The following TAFA2 variants were observed in gnomAD, a reference collection of about 807,000 sequenced individuals.
The protein encoded by TAFA2 is TAFA chemokine like family member 2.
Under a neutral mutation model 18.8 loss-of-function variants are expected in TAFA2, and 7 were observed. That is an observed-to-expected ratio of 0.37 (90% CI 0.21 to 0.70). The LOEUF (loss-of-function observed/expected upper bound fraction) is 0.70, where lower values mean the gene tolerates loss of function less well. Ranked by LOEUF, TAFA2 falls within the 30% of genes least tolerant of loss-of-function variation. The probability of loss-of-function intolerance (pLI) is 0.53; values close to 1 mark genes in which losing one functional copy is unlikely to be tolerated. For missense variants in TAFA2, 122 were observed against 158.1 expected (o/e 0.77, Z 1.23); for synonymous variants, 60 against 54.2 (o/e 1.11, Z -0.47).
chr12:61,903,748 A>T (rs1876217280), intron 1 of TAFA2, among the ~76,000 whole-genome samples: 1 of 152,154 alleles, frequency 6.6e-6, no homozygotes, highest in Admixed American at 6.6e-5. Context: ...AAAATTCTAC[A>T]GTTTTTTTGT....
intron 1 of TAFA2, among the ~76,000 whole-genome samples, chr12:61,940,556 G>A (rs907276901): frequency 6.6e-6 from 1 of 152,204 alleles, no homozygotes; most frequent in Admixed American, 6.5e-5. Flanking sequence ...TGGCTTTAGA[G>A]GTAACAATCA....
At chr12:61,857,472 T>G (rs949280681) in intron 2 of TAFA2, among the ~76,000 whole-genome samples, 2 of 152,210 alleles carry the variant, frequency 1.3e-5, no homozygotes, top group East Asian at 3.9e-4. Context: ...TTAGACAATA[T>G]GTAGAAATAT....
intron 1 of TAFA2, among the ~76,000 whole-genome samples, chr12:62,153,161 TG>T (rs1324881583): frequency 1.3e-5 from 2 of 152,154 alleles, no homozygotes; most frequent in African/African-American, 2.4e-5. Context: ...GTGGTGGCTG[TG>T]GAAAGTAAGG....
At position 62,175,971 on chromosome 12, in the gene TAFA2, A is replaced by G. The variant is rs546623157; in HGVS notation, c.-2+15288T>C. Among the ~76,000 whole-genome samples, 12 of 152,150 alleles carry G rather than the reference A, an allele frequency of 7.9e-5. No individual in the cohort carries two copies. The South Asian group carries it at 2.1e-3, about 26-fold the overall frequency. ...CCCACCTTTTTCAGCAATATTTCTAAGACATTCAAAAGAAAATACAACATA... is the reference window on the plus strand; with the variant it reads ...CCCACCTTTTTCAGCAATATTTCTAGGACATTCAAAAGAAAATACAACATA... On this transcript the variant is annotated intron_variant, in intron 1 of 4. Transcript: ENST00000416284.
chr12:61,955,662 TATATATA>T (rs1878668957), intron 1 of TAFA2, among the ~76,000 whole-genome samples: 1 of 107,278 alleles, frequency 9.3e-6, no homozygotes. Flanking sequence ...TATATATATA[TATATATA>T]TTTAATTTTA....
chr12:61,991,585 T>C (rs1285316730), intron 1 of TAFA2, among the ~76,000 whole-genome samples: 2 of 152,232 alleles, frequency 1.3e-5, no homozygotes, highest in African/African-American at 4.8e-5. Context: ...AGTCAATTTA[T>C]CCCTCTGTTG....
chr12:61,759,632 A>T (rs1228346294), intron 2 of TAFA2, among the ~76,000 whole-genome samples: 1 of 152,034 alleles, frequency 6.6e-6, no homozygotes, highest in East Asian at 1.9e-4. Flanking sequence ...GCCTACTATA[A>T]CTACAAGGTA....
chr12:61,887,763 C>CTCA (rs1293392969), intron 1 of TAFA2, among the ~76,000 whole-genome samples: 1 of 150,636 alleles, frequency 6.6e-6, no homozygotes, highest in East Asian at 1.9e-4. Context: ...AGGACATGAA[C>CTCA]TCATCATTTT....
intron 1 of TAFA2, chr12:62,104,619 A>G: frequency 2.4e-6 from 1 of 410,880 alleles, no homozygotes; most frequent in Non-Finnish European, 4.9e-6. Flanking sequence ...AAGAAATCTC[A>G]CTCTTGTATA....
Position 61,715,430 on chromosome 12 carries a change from G to A in TAFA2, c.385-5013C>T, listed in dbSNP as rs368484668. Among the ~76,000 whole-genome samples the A allele has an allele frequency of 3.3e-5, 5 of 151,698 alleles. No individual in the cohort carries two copies. The East Asian group carries it at 9.7e-4, about 30-fold the overall frequency. On this transcript the variant is annotated intron_variant, in intron 4 of 4. Transcript: ENST00000416284. ...GTAGTGCTATCTCGGCTCACTGCAA[G>A]CTCTGCCTCCTGGGTTCATGCCATT...
intron 1 of TAFA2, among the ~76,000 whole-genome samples, chr12:61,977,902 A>C (rs1187997005): frequency 1.1e-5 from 1 of 91,672 alleles, no homozygotes. Flanking sequence ...AGGGGAGAGG[A>C]TAGGAAATAA....
At chr12:62,020,299 C>G (rs1346604607) in intron 1 of TAFA2, among the ~76,000 whole-genome samples, 1 of 152,166 alleles carries the variant, frequency 6.6e-6, no homozygotes, top group South Asian at 2.1e-4. Flanking sequence ...CACAGAAACA[C>G]AGAGGGAATA....
chr12:62,104,525 GA>G (rs1309759892), intron 1 of TAFA2, among the ~76,000 whole-genome samples: 1 of 152,094 alleles, frequency 6.6e-6, no homozygotes, highest in Non-Finnish European at 1.5e-5. Flanking sequence ...TAGCAAGAAA[GA>G]AAACATTTTT....
chr12:62,257,162 A>ATG (rs71450578), intron 1 of TAFA2, among the ~76,000 whole-genome samples: 604 of 50,930 alleles, frequency 0.012, 6 homozygotes, highest in South Asian at 0.022. Flanking sequence ...ATACATATAT[A>ATG]TGTGTGTGTG....
chr12:62,196,167 C>T (rs2062648431), upstream of TAFA2, among the ~76,000 whole-genome samples: 1 of 152,180 alleles, frequency 6.6e-6, no homozygotes, highest in South Asian at 2.1e-4. Flanking sequence ...ACCTTTCTTT[C>T]AGCCTTTATA....
At chr12:62,177,798 G>C (rs151109817) in intron 1 of TAFA2, among the ~76,000 whole-genome samples, 7 of 152,038 alleles carry the variant, frequency 4.6e-5, no homozygotes, top group Non-Finnish European at 1.0e-4. Context: ...CAGTCTCCAA[G>C]ACCAGTTCGT....
intron 1 of TAFA2, among the ~76,000 whole-genome samples, chr12:61,919,065 G>A (rs1319486171): frequency 6.6e-6 from 1 of 152,180 alleles, no homozygotes; most frequent in Non-Finnish European, 1.5e-5. Context: ...ACAGTGGCCT[G>A]TTAAGTAATT....
intron 1 of TAFA2, among the ~76,000 whole-genome samples, chr12:62,227,832 G>A (rs753045885): frequency 5.9e-5 from 9 of 152,058 alleles, no homozygotes; most frequent in Non-Finnish European, 2.9e-5. Flanking sequence ...CTTATGGTTT[G>A]TAGTTTTCTC....
chr12:62,250,490 A>T (rs1256300345), intron 1 of TAFA2, among the ~76,000 whole-genome samples: 1 of 151,968 alleles, frequency 6.6e-6, no homozygotes, highest in Non-Finnish European at 1.5e-5. Context: ...ATTTCTGTAC[A>T]TATAGATGTG....
Sources: gnomAD v4.1 joint callset for allele counts (sites outside exome capture counted in the v4.1 genomes callset) on GRCh38, gnomAD v4.1.1 for gene constraint, MANE v1.5 for transcripts, NCBI Gene and HGNC (gene_info 2026-07-23, HGNC 2026-07-21) for gene names.